Variants in GRHL1 observed in about 807,000 individuals in gnomAD.
GRHL1 encodes the protein grainyhead-like protein 1 homolog.
A neutral mutation model predicts 75.7 loss-of-function variants in GRHL1; 38 were observed. The ratio of observed to expected loss-of-function variants is 0.50; its 90% CI spans 0.39 to 0.66. The LOEUF is 0.66. Ranked by LOEUF, GRHL1 falls within the 30% of genes least tolerant of loss-of-function variation. The pLI is 0.00. For missense variants in GRHL1, 589 were observed against 767.5 expected (o/e 0.77, Z 2.75); for synonymous variants, 266 against 279.4 (o/e 0.95, Z 0.48).
intron 7 of GRHL1, chr2:9,965,019 T>G: frequency 2.7e-6 from 1 of 366,642 alleles, no homozygotes; most frequent in Non-Finnish European, 4.9e-6. Context: ...TTTTGTGACC[T>G]TGGGACTGTT....
At chr2:9,985,662 T>C (rs1668386735) in intron 8 of GRHL1, among the ~76,000 whole-genome samples, 1 of 152,232 alleles carries the variant, frequency 6.6e-6, no homozygotes, top group Non-Finnish European at 1.5e-5. Flanking sequence ...AACACTGATG[T>C]CATAAGTTCT....
At chr2:9,962,578 C>T (rs1023215899) in intron 5 of GRHL1, 47 bp downstream of exon 5, 20 of 1,022,092 alleles carry the variant, frequency 2.0e-5, no homozygotes, top group Non-Finnish European at 3.1e-5. Flanking sequence ...GCTTTTATAA[C>T]TTATTCCTTT....
intron 2 of GRHL1, 27 bp downstream of exon 2, chr2:9,955,128 T>G (rs1481897286): frequency 6.7e-7 from 1 of 1,493,934 alleles, no homozygotes; most frequent in East Asian, 2.3e-5. Context: ...TTAAAACCCT[T>G]AACAGCAGTC....
At chr2:9,994,177 C>T (rs1460376593) in intron 12 of GRHL1, among the ~76,000 whole-genome samples, 1 of 152,082 alleles carries the variant, frequency 6.6e-6, no homozygotes, top group African/African-American at 2.4e-5. Context: ...CAGGGTCTTG[C>T]TCTGAGGCCC....
At chr2:9,976,105 G>A (rs538405883) in intron 8 of GRHL1, among the ~76,000 whole-genome samples, 1 of 152,240 alleles carries the variant, frequency 6.6e-6, no homozygotes, top group Admixed American at 6.5e-5. Context: ...TGAGTCATTC[G>A]TCCAGGAAAC....
At chr2:9,967,991 C>T (rs1211835364) in intron 8 of GRHL1, among the ~76,000 whole-genome samples, 1 of 152,114 alleles carries the variant, frequency 6.6e-6, no homozygotes, top group East Asian at 1.9e-4. Context: ...TTTATTGGAG[C>T]TATGTGGCAT....
intron 1 of GRHL1, among the ~76,000 whole-genome samples, chr2:9,953,991 T>C (rs1572326642): frequency 6.6e-6 from 1 of 152,232 alleles, no homozygotes. Flanking sequence ...CGAACAGTTG[T>C]TGAGACTGTT....
In GRHL1 at chr2:9,998,457, TAC is replaced by T. The variant is rs1223803771; in HGVS notation, c.1678-506_1678-505del. On this transcript the variant is annotated intron_variant, in intron 14 of 15. Coordinates refer to ENST00000324907, the MANE Select transcript of GRHL1 (RefSeq NM_198182.3). The stretch of plus-strand genomic sequence containing the variant: ...GTGTGTGTGTGTGTGTGTATATATA[TAC>T]ATATATATACGTATATATATACATA... Among the ~76,000 whole-genome samples the T allele has an allele frequency of 1.3e-4, 7 of 53,412 alleles. 2 individuals carry two copies. Among genetic ancestry groups the T allele is most frequent in the Non-Finnish European group, 2.1e-4 (6 of 28,408 alleles). 35.0% of individuals were successfully genotyped at this position (53,412 alleles called of 152,430 possible). A position where few individuals can be genotyped will look rare whatever the true frequency, so the allele number is the denominator to read the frequency against.
intron 8 of GRHL1, among the ~76,000 whole-genome samples, chr2:9,966,829 T>C (rs1667514480): frequency 6.6e-6 from 1 of 152,168 alleles, no homozygotes. Flanking sequence ...GAGGAAGCTT[T>C]AGGTGATTGT....
At chr2:9,975,269 T>G (rs1667899413) in intron 8 of GRHL1, among the ~76,000 whole-genome samples, 1 of 152,188 alleles carries the variant, frequency 6.6e-6, no homozygotes, top group Non-Finnish European at 1.5e-5. Context: ...TAAAAATTGT[T>G]AGGTACCTGC....
intron 8 of GRHL1, among the ~76,000 whole-genome samples, chr2:9,975,851 ATT>A (rs2125225308): frequency 6.6e-6 from 1 of 152,286 alleles, no homozygotes; most frequent in African/African-American, 2.4e-5. Flanking sequence ...GCACCATTGC[ATT>A]CCAGCCTGGG....
At chr2:9,986,935 G>A (rs6714600) in intron 9 of GRHL1, among the ~76,000 whole-genome samples, 1 of 151,606 alleles carries the variant, frequency 6.6e-6, no homozygotes, top group Non-Finnish European at 1.5e-5. Flanking sequence ...CTTGAACTCC[G>A]GTCCTCAAGT....
At chr2:9,976,190 C>G (rs1395197776) in intron 8 of GRHL1, among the ~76,000 whole-genome samples, 1 of 152,148 alleles carries the variant, frequency 6.6e-6, no homozygotes, top group Non-Finnish European at 1.5e-5. Context: ...ACCCAAAACT[C>G]AGAACTCAGT....
chr2:9,990,908 C>T lies in GRHL1; in HGVS notation c.1321+161C>T. 1 of 552,744 alleles carries T rather than the reference C, an allele frequency of 1.8e-6. No individual in the cohort carries two copies. The allele number at this position is 552,744 out of a possible 1,614,324, so 34.2% of individuals were successfully genotyped here. ...GTGTGGCACTGCCTCTTCCTCAGAT[C>T]AGCAGCAGATGCCAGCTCAGCGGGA... On this transcript the variant is annotated intron_variant, in intron 10 of 15. Coordinates refer to ENST00000324907, the MANE Select transcript of GRHL1 (RefSeq NM_198182.3). The surrounding 1 kb of genome is among the most constrained non-coding windows in gnomAD (Gnocchi z 4.2).
chr2:9,954,845 GA>G (rs1558287354), intron 1 of GRHL1, 69 bp from the exon 2 acceptor site: 8 of 1,234,520 alleles, frequency 6.5e-6, no homozygotes, highest in Non-Finnish European at 9.5e-6. Flanking sequence ...GAATGTCAAG[GA>G]ATTGGTAGCT....
intron 14 of GRHL1, among the ~76,000 whole-genome samples, chr2:9,996,657 G>A (rs769037835): frequency 1.3e-5 from 2 of 152,130 alleles, no homozygotes; most frequent in African/African-American, 2.4e-5. Flanking sequence ...TTTTATATAC[G>A]TGGTTAAAGG....
chr2:9,954,898 T>C lies in GRHL1; in HGVS notation c.21-17T>C, dbSNP rs769449660. ...AGAAAAGTGTGTGTTTTTGTTTTTT[T>C]TTTAATTTCTCTGAAGCAAACGGCC... On this transcript the variant is annotated splice_polypyrimidine_tract_variant and intron_variant, in intron 1 of 15. Coordinates refer to ENST00000324907, the MANE Select transcript of GRHL1 (RefSeq NM_198182.3). 6.2e-7 allele frequency: 1 copy of C among 1,608,326 alleles called. No individual in the cohort carries two copies. The highest frequency in any genetic ancestry group is 1.3e-5 in the African/African-American group (1 of 74,932).
At chr2:9,963,835 A>G in intron 5 of GRHL1, 51 bp from the exon 6 acceptor site, 1 of 1,327,668 alleles carries the variant, frequency 7.5e-7, no homozygotes. Flanking sequence ...GATGTATAGC[A>G]AGCTTCCACG....
intron 5 of GRHL1, 77 bp from the exon 6 acceptor site, chr2:9,963,809 A>G: frequency 1.1e-6 from 1 of 943,222 alleles, no homozygotes; most frequent in Non-Finnish European, 1.6e-6. Context: ...AAGATAGCAA[A>G]TGCTATTTAT....
Sources: allele counts gnomAD v4.1 joint callset (sites outside exome capture counted in the v4.1 genomes callset), GRCh38; gene constraint gnomAD v4.1.1; non-coding constraint Gnocchi (gnomAD v3.1); transcripts MANE v1.5; gene names NCBI Gene and HGNC (gene_info 2026-07-23, HGNC 2026-07-21).